Variants in SNTB1 observed in about 807,000 individuals in gnomAD.
The protein encoded by SNTB1 is beta-1-syntrophin.
A neutral mutation model predicts 48.9 loss-of-function variants in SNTB1; 36 were observed. That is an observed-to-expected ratio of 0.74 (90% confidence interval 0.56 to 0.97). SNTB1 has a LOEUF of 0.97. Ranked by LOEUF, SNTB1 falls within the 50% of genes least tolerant of loss-of-function variation. SNTB1 has a pLI of 0.00. For synonymous variants in SNTB1, 299 were observed against 294.6 expected (o/e 1.01, Z -0.15); for missense variants, 786 against 703.4 (o/e 1.12, Z -1.33).
chr8:120,809,803 C>T (rs1167203593), intron 1 of SNTB1, among the ~76,000 whole-genome samples: 1 of 152,216 alleles, frequency 6.6e-6, no homozygotes, highest in Non-Finnish European at 1.5e-5. Context: ...TTTCCACTTT[C>T]TGGGTCCAGG....
At chr8:120,745,729 C>T (rs1430454583) in intron 1 of SNTB1, among the ~76,000 whole-genome samples, 1 of 152,090 alleles carries the variant, frequency 6.6e-6, no homozygotes. Context: ...TTCAGCCACC[C>T]ACCCAAACCA....
chr8:120,579,979 C>A (rs1372986943), intron 3 of SNTB1, among the ~76,000 whole-genome samples: 1 of 152,166 alleles, frequency 6.6e-6, no homozygotes, highest in Non-Finnish European at 1.5e-5. Flanking sequence ...GCAAGAATTA[C>A]TTGCCTTTGC....
intron 1 of SNTB1, among the ~76,000 whole-genome samples, chr8:120,724,037 C>T (rs1251474510): frequency 6.6e-6 from 1 of 152,206 alleles, no homozygotes; most frequent in Non-Finnish European, 1.5e-5. Flanking sequence ...AACTCAGCTC[C>T]ATGAAAGAAA....
At chr8:120,665,940 C>G (rs1331284929) in intron 2 of SNTB1, among the ~76,000 whole-genome samples, 1 of 152,168 alleles carries the variant, frequency 6.6e-6, no homozygotes, top group East Asian at 1.9e-4. Flanking sequence ...ATCTTATTGT[C>G]AATACCCCAC....
intron 3 of SNTB1, among the ~76,000 whole-genome samples, chr8:120,590,403 C>T (rs1039438889): frequency 2.6e-5 from 4 of 152,126 alleles, no homozygotes; most frequent in African/African-American, 7.2e-5. Flanking sequence ...AAGCAGATAA[C>T]AGTATCTATT....
At chr8:120,800,882 T>C (rs933426279) in intron 1 of SNTB1, among the ~76,000 whole-genome samples, 4 of 152,056 alleles carry the variant, frequency 2.6e-5, no homozygotes, top group East Asian at 3.9e-4. Flanking sequence ...CTAGAATTGA[T>C]ATATCAAGAA....
intron 1 of SNTB1, among the ~76,000 whole-genome samples, chr8:120,761,674 C>T (rs1819422442): frequency 6.6e-6 from 1 of 152,200 alleles, no homozygotes; most frequent in Non-Finnish European, 1.5e-5. Flanking sequence ...GAGATCTCTT[C>T]CGCACCTTGA....
intron 3 of SNTB1, among the ~76,000 whole-genome samples, chr8:120,631,980 A>T (rs1298190110): frequency 1.3e-5 from 2 of 152,210 alleles, no homozygotes; most frequent in African/African-American, 4.8e-5. Context: ...GCATATAGTA[A>T]TTGCTCAAGT....
chr8:120,539,900 T>C (rs915675468), intron 6 of SNTB1, among the ~76,000 whole-genome samples: 1 of 152,212 alleles, frequency 6.6e-6, no homozygotes, highest in African/African-American at 2.4e-5. Context: ...TATCTCCATT[T>C]TTTTGTATAG....
intron 2 of SNTB1, among the ~76,000 whole-genome samples, chr8:120,692,504 T>C (rs1369579405): frequency 3.9e-5 from 6 of 152,198 alleles, no homozygotes; most frequent in South Asian, 2.1e-4. Context: ...CTAAAATATA[T>C]GTTTTCTCTT....
intron 1 of SNTB1, among the ~76,000 whole-genome samples, chr8:120,791,645 T>C (rs1438994299): frequency 6.6e-6 from 1 of 151,808 alleles, no homozygotes; most frequent in Non-Finnish European, 1.5e-5. Context: ...TCATGAATAC[T>C]TGAAGCTATG....
intron 2 of SNTB1, among the ~76,000 whole-genome samples, chr8:120,646,056 G>T (rs1213646058): frequency 6.7e-6 from 1 of 149,108 alleles, no homozygotes; most frequent in East Asian, 2.0e-4. Flanking sequence ...AGCTTAAGGA[G>T]ATTTTGGGCT....
intron 1 of SNTB1, among the ~76,000 whole-genome samples, chr8:120,809,914 C>A (rs997764287): frequency 6.6e-6 from 1 of 152,142 alleles, no homozygotes; most frequent in African/African-American, 2.4e-5. Flanking sequence ...CCGTGACATA[C>A]CAGGGAGTTG....
At chr8:120,744,121 A>ATTTTTTTTTTTTTTTTTTTTTTTTTTTT (rs35604534) in intron 1 of SNTB1, among the ~76,000 whole-genome samples, 8 of 136,146 alleles carry the variant, frequency 5.9e-5, no homozygotes, top group Admixed American at 8.0e-5. Flanking sequence ...CCCTGTCTCA[A>ATTTTTTTTTTTTTTTTTTTTTTTTTTTT]TTTTTTTTTT....
At position 120,784,764 on chromosome 8, in the gene SNTB1, C is replaced by T. The variant is rs927270718; in HGVS notation, c.571+26509G>A. ...AGTGTATTGAGATTCATGCTGTAAA[C>T]AGTTTTCCAAGAAGCAACACAGGAA... On this transcript the variant is annotated intron_variant, in intron 1 of 6. Coordinates refer to ENST00000517992, the MANE Select transcript of SNTB1 (RefSeq NM_021021.4). 4.6e-5 allele frequency among the ~76,000 whole-genome samples: 7 copies of T among 152,274 alleles called. No individual in the cohort carries two copies. In the South Asian group the frequency reaches 1.0e-3, roughly 23 times the overall value.
intron 3 of SNTB1, among the ~76,000 whole-genome samples, chr8:120,627,419 A>C (rs910297774): frequency 2.0e-5 from 3 of 152,194 alleles, no homozygotes; most frequent in Non-Finnish European, 1.5e-5. Context: ...TTGAAATTTT[A>C]TAGTACAAAA....
intron 3 of SNTB1, among the ~76,000 whole-genome samples, chr8:120,577,884 C>T (rs1815976519): frequency 6.6e-6 from 1 of 152,162 alleles, no homozygotes; most frequent in Admixed American, 6.5e-5. Flanking sequence ...GTAAACTCTG[C>T]TGTGAGAATA....
intron 4 of SNTB1, among the ~76,000 whole-genome samples, chr8:120,563,231 C>G (rs1815691698): frequency 6.6e-6 from 1 of 151,834 alleles, no homozygotes; most frequent in Non-Finnish European, 1.5e-5. Flanking sequence ...TCTCATTTGC[C>G]AATTATGATG....
intron 2 of SNTB1, chr8:120,637,719 T>A: frequency 2.2e-6 from 1 of 444,896 alleles, no homozygotes. Flanking sequence ...CCTGTTGAAA[T>A]GGACATCTGC....
Sources: gnomAD v4.1 joint callset for allele counts (sites outside exome capture counted in the v4.1 genomes callset) on GRCh38, gnomAD v4.1.1 for gene constraint, MANE v1.5 for transcripts, NCBI Gene and HGNC (gene_info 2026-07-23, HGNC 2026-07-21) for gene names.